Variants in FAT2 observed in about 807,000 individuals in gnomAD.
FAT2 encodes FAT atypical cadherin 2.
A neutral mutation model predicts 295.3 loss-of-function variants in FAT2; 150 were observed. That is an observed-to-expected ratio of 0.51 (90% CI 0.44 to 0.58). The LOEUF is 0.58. Among genes scored for constraint, FAT2 ranks in the 20% least tolerant of loss-of-function variants. The probability of loss-of-function intolerance (pLI) is 0.00; values close to 1 mark genes in which losing one functional copy is unlikely to be tolerated. For synonymous variants in FAT2, 2,026 were observed against 2,150.3 expected (o/e 0.94, Z 1.60); for missense variants, 4,868 against 5,442.7 (o/e 0.89, Z 3.32).
chr5:151,532,048 A>C, intron 13 of FAT2, 78 bp from the exon 14 acceptor site: 1 of 1,552,894 alleles, frequency 6.4e-7, no homozygotes, highest in Admixed American at 1.8e-5. Context: ...CTGCAGCCAC[A>C]GGAGGGGCTG....
At position 151,545,473 on chromosome 5, in the gene FAT2, A is replaced by T; in HGVS notation, c.5654T>A (p.Ile1885Asn). 1 of 1,614,170 alleles carries T rather than the reference A, an allele frequency of 6.2e-7. No individual in the cohort carries two copies. The highest frequency in any genetic ancestry group is 1.1e-5 in the South Asian group (1 of 91,074). ...QIYEVAIVGPIHPGMELLMVR... is the reference protein window; with the variant it reads ...QIYEVAIVGPNHPGMELLMVR... Reference sequence around the variant, plus strand: ...CATGAGAAGCTCCATGCCTGGATGGATAGGCCCGACTATTGCTACCTCATA... The same window carrying T: ...CATGAGAAGCTCCATGCCTGGATGGTTAGGCCCGACTATTGCTACCTCATA... Residue 1885 changes from isoleucine to asparagine, a missense_variant, in exon 10 of 24, where the codon ATC becomes AAC. Physicochemically the swap from Ile to Asn is moderately radical, Grantham distance 149 (BLOSUM62 -3). Coordinates refer to ENST00000261800, the MANE Select transcript of FAT2 (RefSeq NM_001447.3).
chr5:151,540,596 C>G lies in FAT2; in HGVS notation c.9010G>C (p.Val3004Leu), dbSNP rs142809371. 1.2e-6 allele frequency: 2 copies of G among 1,613,836 alleles called. No individual in the cohort carries two copies. The highest frequency in any genetic ancestry group is 1.7e-6 in the Non-Finnish European group (2 of 1,179,856). The change falls in exon 11 of 24, where the codon GTC becomes CTC. Residue 3004 changes from valine to leucine, a missense_variant. Physicochemically the swap from Val to Leu is conservative, Grantham distance 32. This residue lies in a region of FAT2 where 9 missense variants were observed against 27.4 expected (regional missense o/e 0.33). Transcript: ENST00000261800. ...SVTVEIFVLD[V>L]NDNSPQCSQL... ...GAACACTGTGGGCTGTTATCATTGA[C>G]GTCCAGGACAAAGATCTCCACAGTG... is the stretch of plus-strand genomic sequence containing the variant.
At chr5:151,576,792 T>C (rs370515321) in intron 1 of FAT2, among the ~76,000 whole-genome samples, 74 of 152,126 alleles carry the variant, frequency 4.9e-4, no homozygotes, top group African/African-American at 1.8e-3. Flanking sequence ...TCATTCATGG[T>C]TTTTGAGAAG....
intron 19 of FAT2, among the ~76,000 whole-genome samples, chr5:151,519,982 G>T (rs1753274269): frequency 6.6e-6 from 1 of 152,164 alleles, no homozygotes; most frequent in African/African-American, 2.4e-5. Context: ...TAGAACCCCT[G>T]CTGTCTGATG....
intron 21 of FAT2, 182 bp from the exon 22 acceptor site, chr5:151,510,356 C>T (rs1761227185): frequency 1.5e-5 from 9 of 616,448 alleles, no homozygotes; most frequent in Non-Finnish European, 2.2e-5. Context: ...CACTTTGGTC[C>T]CTGCCCTCAA....
In FAT2 at chr5:151,554,616, C is replaced by T. The variant is rs373036880; in HGVS notation, c.3691G>A (p.Gly1231Ser). The change falls in exon 5 of 24, where the codon GGC (glycine) becomes AGC (serine). Residue 1231 changes from glycine to serine, a missense_variant. Coordinates refer to ENST00000261800, the MANE Select transcript of FAT2 (RefSeq NM_001447.3). ...SLKSTSRVVV[G>S]ILDVNDNPPI... ...GGATTGTCATTGACGTCCAAGATGC[C>T]TACCACCACCCTGGAGGTGGACTTC... The T allele has an allele frequency of 4.8e-5, 78 of 1,613,938 alleles. No homozygotes were observed. Among genetic ancestry groups the T allele is most frequent in the Non-Finnish European group, 6.0e-5 (71 of 1,180,018 alleles).
upstream of FAT2, among the ~76,000 whole-genome samples, chr5:151,593,290 A>C (rs1297142062): frequency 1.3e-5 from 2 of 150,728 alleles, no homozygotes; most frequent in Non-Finnish European, 2.9e-5. Context: ...GCAGAGTAGC[A>C]GGCGACTGTC....
In FAT2 at chr5:151,556,353, GTGTTCATCCT is replaced by G. The variant is rs1403903538; in HGVS notation, c.3614_3623del (p.Lys1205ThrfsTer5). On this transcript the variant is annotated frameshift_variant, in exon 4 of 24. Transcript: ENST00000261800. LOFTEE classifies it high-confidence loss of function. ...CACCACCATTACTTACCTCCAGGAT[GTGTTCATCCT>G]TGTTCTCTCTGTCCAGCTGCTGGGC... 2 of 1,613,588 alleles carry G rather than the reference GTGTTCATCCT, an allele frequency of 1.2e-6. No homozygotes were observed. Among genetic ancestry groups the G allele is most frequent in the Non-Finnish European group, 1.7e-6 (2 of 1,179,638 alleles).
chr5:151,553,837 A>G (rs1218676663), intron 5 of FAT2, among the ~76,000 whole-genome samples: 1 of 152,188 alleles, frequency 6.6e-6, no homozygotes, highest in Non-Finnish European at 1.5e-5. Context: ...TCCTGTTATC[A>G]TCTGTCTTTT....
At position 151,531,804 on chromosome 5, in the gene FAT2, C is replaced by T. The variant is rs1465807231; in HGVS notation, c.9594G>A (p.Leu3198=). ...AGACTGTGACGGTGCCCAGCGTGGA[C>T]AGCGGTATTGGGGTGCCCAGGTCAG... The part of the protein sequence containing the change: ...RASDLGTPIP[L]STLGTVTVSV... The change falls in exon 14 of 24, where the codon CTG becomes CTA. Residue 3198 remains leucine (L), a synonymous_variant. Transcript: ENST00000261800. This position sits in a 1 kb window ranked among gnomAD's most constrained non-coding sequence, Gnocchi z 5.7. 1.2e-6 allele frequency: 2 copies of T among 1,613,380 alleles called. No homozygotes were observed.
intron 20 of FAT2, among the ~76,000 whole-genome samples, chr5:151,514,255 A>G (rs1376396781): frequency 6.6e-6 from 1 of 152,252 alleles, no homozygotes; most frequent in Non-Finnish European, 1.5e-5. Flanking sequence ...ATGCAACTCA[A>G]GTAAAACATT....
intron 8 of FAT2, 61 bp from the exon 9 acceptor site, chr5:151,549,566 G>C: frequency 6.8e-7 from 1 of 1,473,778 alleles, no homozygotes; most frequent in South Asian, 1.2e-5. Context: ...GGCAGGGTTA[G>C]GGTAAGGTTA....
intron 12 of FAT2, 88 bp from the exon 13 acceptor site, chr5:151,534,730 C>T: frequency 8.8e-7 from 1 of 1,130,706 alleles, no homozygotes; most frequent in Non-Finnish European, 1.3e-6. Flanking sequence ...GAGACAAACC[C>T]AGCCACACAG....
chr5:151,527,371 T>A lies in FAT2; in HGVS notation c.10171A>T (p.Ser3391Cys). Residue 3391 changes from serine (S) to cysteine (C), a missense_variant, in exon 17 of 24, where the codon AGT (serine) becomes TGT (cysteine). Physicochemically the swap from Ser to Cys is moderately radical, Grantham distance 112 (BLOSUM62 -1). This residue lies in a region of FAT2 where 1,046 missense variants were observed against 1,210.1 expected (regional missense o/e 0.86). Transcript: ENST00000261800. ...GTGGCTCGGAGCTTCAGGGAATAAC[T>A]AGAGGCCTATTGCAAAATGTCCAGT... ...AKALDREQAS[S>C]YSLKLRATDS... 1 of 1,604,382 alleles carries A rather than the reference T, an allele frequency of 6.2e-7. No homozygotes were observed. The highest frequency in any genetic ancestry group is 8.5e-7 in the Non-Finnish European group (1 of 1,174,138).
In FAT2 at chr5:151,542,946, C is replaced by T; in HGVS notation, c.8181G>A (p.Val2727=). 6.2e-7 allele frequency: 1 copy of T among 1,614,202 alleles called. No individual in the cohort carries two copies. The highest frequency in any genetic ancestry group is 8.5e-7 in the Non-Finnish European group (1 of 1,180,032). ...TGTTGCTCTCAGGTGTAGTGCCCCG[C>T]ACTAGACTGTAGATGACTGGATCTT... ...AAQDPVIYSL[V]RGTTPESNKD... The change falls in exon 10 of 24, where the codon GTG becomes GTA. Residue 2727 remains valine, a synonymous_variant. Coordinates refer to ENST00000261800, the MANE Select transcript of FAT2 (RefSeq NM_001447.3).
In FAT2 at chr5:151,521,829, G is replaced by A. The variant is rs147654945; in HGVS notation, c.10764C>T (p.Ile3588=). The A allele has an allele frequency of 1.2e-5, 19 of 1,614,174 alleles. No homozygotes were observed. The highest frequency in any genetic ancestry group is 2.2e-5 in the East Asian group (1 of 44,874). The change falls in exon 19 of 24, where the codon ATC becomes ATT. Residue 3588 remains isoleucine (I), a synonymous_variant. Coordinates refer to ENST00000261800, the MANE Select transcript of FAT2 (RefSeq NM_001447.3). ...FSVGAPDGKI[I]AAQGLPRGHY... is the part of the protein sequence containing the mutation. ...GGCCACGAGGCAGGCCCTGGGCGGC[G>A]ATAATCTTGCCATCAGGCGCACCCA...
In FAT2 at chr5:151,527,242, T is replaced by C. The variant is rs1395878814; in HGVS notation, c.10300A>G (p.Thr3434Ala). Residue 3434 changes from threonine to alanine, a missense_variant, in exon 17 of 24, where the codon ACT becomes GCT. Thr to Ala is a moderately conservative substitution (Grantham distance 58). Transcript: ENST00000261800. ...TGGAGGCTCAAGCTTACCTGGACAG[T>C]GGTGCTGTAGTTGAGCTGGAAGAAT... is the stretch of plus-strand genomic sequence containing the variant. Reference protein sequence around the residue: ...PRFFQLNYSTTVQENSPIGSK... With the variant: ...PRFFQLNYSTAVQENSPIGSK... 3.1e-6 allele frequency: 5 copies of C among 1,609,228 alleles called. No homozygotes were observed. The East Asian group carries it at 1.1e-4, about 36-fold the overall frequency.
At chr5:151,589,390 G>T (rs542548588) in intron 1 of FAT2, among the ~76,000 whole-genome samples, 2 of 152,184 alleles carry the variant, frequency 1.3e-5, no homozygotes, top group African/African-American at 4.8e-5. Context: ...TCGCACTTAG[G>T]TTAGAGTATG....
In FAT2 at chr5:151,588,856, C is replaced by T. The variant is rs78669736; in HGVS notation, c.-21+2309G>A. ...AAGGCCCTACACATTTCTTGCATTACCTTCCATGCACCCCCTCATTTCTCA... is the reference window on the plus strand; with the variant it reads ...AAGGCCCTACACATTTCTTGCATTATCTTCCATGCACCCCCTCATTTCTCA... On this transcript the variant is annotated intron_variant, in intron 1 of 23. Transcript: ENST00000261800. Among the ~76,000 whole-genome samples, 214 of 152,292 alleles carry T rather than the reference C, an allele frequency of 1.4e-3. 1 individual carries two copies. Among genetic ancestry groups the T allele is most frequent in the African/African-American group, 4.9e-3 (203 of 41,554 alleles).
Sources: allele counts gnomAD v4.1 joint callset (sites outside exome capture counted in the v4.1 genomes callset), GRCh38; gene constraint gnomAD v4.1.1; regional missense constraint gnomAD v4.1.1; non-coding constraint Gnocchi (gnomAD v3.1); transcripts MANE v1.5; gene names NCBI Gene and HGNC (gene_info 2026-07-23, HGNC 2026-07-21).